EPSTI1: variants seen among roughly 807,000 people sequenced by gnomAD.
EPSTI1 encodes the protein epithelial stromal interaction 1.
A neutral mutation model predicts 49.9 loss-of-function variants in EPSTI1; 66 were observed. The ratio of observed to expected loss-of-function variants is 1.32; its 90% CI spans 1.08 to 1.62. EPSTI1 has a LOEUF of 1.62. EPSTI1 is among the 40% of genes most tolerant of loss of function. The pLI, the probability that EPSTI1 is intolerant of heterozygous loss-of-function variation, is 0.00. For synonymous variants in EPSTI1, 137 were observed against 130.7 expected, an observed-to-expected ratio of 1.05 and a Z score of -0.33; for missense variants, 394 against 365.5, an observed-to-expected ratio of 1.08 and a Z score of -0.64.
At chr13:42,900,551 C>A (rs559542680) in intron 8 of EPSTI1, among the ~76,000 whole-genome samples, 168 bp from the exon 9 acceptor site, 1 of 151,688 alleles carries the variant, frequency 6.6e-6, no homozygotes, top group Non-Finnish European at 1.5e-5. Context: ...ACGTAGGTAG[C>A]AAATAACTGT....
intron 6 of EPSTI1, among the ~76,000 whole-genome samples, chr13:42,949,233 C>T (rs1468020647): frequency 6.6e-6 from 1 of 152,172 alleles, no homozygotes; most frequent in Non-Finnish European, 1.5e-5. Context: ...CACTCTTACC[C>T]CTTCCAGGTC....
intron 7 of EPSTI1, among the ~76,000 whole-genome samples, chr13:42,924,514 G>C (rs911781089): frequency 6.6e-6 from 1 of 152,152 alleles, no homozygotes; most frequent in Non-Finnish European, 1.5e-5. Context: ...GGGAGCCCTC[G>C]AACGGAAAGG....
chr13:42,943,141 G>A (rs773627514), intron 6 of EPSTI1, among the ~76,000 whole-genome samples: 13 of 152,002 alleles, frequency 8.6e-5, no homozygotes, highest in Admixed American at 4.6e-4. Flanking sequence ...TTTAAAATAC[G>A]GCTCTTAGAG....
At chr13:42,991,095 T>C (rs2040186051) in intron 1 of EPSTI1, 1 of 152,278 alleles carries the variant, frequency 6.6e-6, no homozygotes, top group African/African-American at 2.4e-5. Flanking sequence ...CTATGGTCAC[T>C]CACCTCCTCA....
intron 1 of EPSTI1, among the ~76,000 whole-genome samples, chr13:42,985,363 G>C (rs2040058715): frequency 6.6e-6 from 1 of 152,210 alleles, no homozygotes; most frequent in African/African-American, 2.4e-5. Context: ...TTGCTAGGCA[G>C]ATGTCCTTGC....
chr13:42,964,028 T>C, intron 4 of EPSTI1, 38 bp downstream of exon 4: 1 of 1,571,754 alleles, frequency 6.4e-7, no homozygotes. Flanking sequence ...GTACTCATAT[T>C]CCTTACCAAA....
At chr13:42,935,592 T>A (rs928748664) in intron 6 of EPSTI1, among the ~76,000 whole-genome samples, 1 of 152,154 alleles carries the variant, frequency 6.6e-6, no homozygotes, top group Admixed American at 6.5e-5. Flanking sequence ...ATTCTTTTTT[T>A]TATTTTTTAT....
chr13:42,887,025 C>G lies in EPSTI1; in HGVS notation c.*1469G>C, dbSNP rs113676117. ...GTAGCCAGGCTGGCAGGTGTAGGGC[C>G]GAAATGGCTGCACACCACCACACTA... On this transcript the variant is annotated 3_prime_UTR_variant, in exon 11 of 11. Transcript: ENST00000313624. 6.6e-6 allele frequency: 1 copy of G among 152,104 alleles called. No homozygotes were observed. The highest frequency in any genetic ancestry group is 1.5e-5 in the Non-Finnish European group (1 of 68,030). 9.4% of individuals were successfully genotyped at this position (152,104 alleles called of 1,614,324 possible).
chr13:42,940,804 T>C (rs900571009), intron 6 of EPSTI1, among the ~76,000 whole-genome samples: 2 of 152,228 alleles, frequency 1.3e-5, no homozygotes, highest in African/African-American at 2.4e-5. Context: ...CCATTGATAT[T>C]TTTGCCACTG....
chr13:42,954,714 T>C (rs2039206892), intron 5 of EPSTI1, among the ~76,000 whole-genome samples: 1 of 152,216 alleles, frequency 6.6e-6, no homozygotes, highest in African/African-American at 2.4e-5. Flanking sequence ...CACACTGTCA[T>C]TTTTTAACTT....
At chr13:42,891,950 G>T (rs1411741540) in intron 10 of EPSTI1, among the ~76,000 whole-genome samples, 1 of 152,232 alleles carries the variant, frequency 6.6e-6, no homozygotes, top group Non-Finnish European at 1.5e-5. Flanking sequence ...CTAGAAAGGG[G>T]ACTGCAGGAG....
chr13:42,974,764 C>T (rs1431525792), intron 1 of EPSTI1, among the ~76,000 whole-genome samples: 2 of 152,056 alleles, frequency 1.3e-5, no homozygotes, highest in Non-Finnish European at 2.9e-5. Flanking sequence ...AATAAGTACT[C>T]TGAAAAAATG....
At chr13:42,947,962 T>A (rs1436684660) in intron 6 of EPSTI1, among the ~76,000 whole-genome samples, 2 of 151,994 alleles carry the variant, frequency 1.3e-5, no homozygotes, top group Admixed American at 1.3e-4. Flanking sequence ...TGGGACAGAG[T>A]GGTCACCCCA....
intron 1 of EPSTI1, among the ~76,000 whole-genome samples, chr13:42,975,032 C>G (rs560986068): frequency 1.3e-5 from 2 of 151,934 alleles, no homozygotes; most frequent in Admixed American, 6.6e-5. Context: ...TCAAGAAAAT[C>G]TTATCCTTGG....
In EPSTI1 at chr13:42,894,212, A is replaced by C. The variant is rs545396167; in HGVS notation, c.915+797T>G. The stretch of plus-strand genomic sequence containing the variant: ...TGTCTGTCAAGTATTTATTAAAGGA[A>C]GATCTTCTCTAGATTTTCTAGGTCA... On this transcript the variant is annotated intron_variant, in intron 10 of 10. Transcript: ENST00000313624. 3.9e-5 allele frequency among the ~76,000 whole-genome samples: 6 copies of C among 152,386 alleles called. No homozygotes were observed. The South Asian group carries it at 6.2e-4, about 16-fold the overall frequency.
chr13:42,949,625 C>T (rs1479541836), intron 6 of EPSTI1, among the ~76,000 whole-genome samples: 2 of 150,732 alleles, frequency 1.3e-5, no homozygotes, highest in African/African-American at 4.9e-5. Context: ...AAAAGAGAGA[C>T]TTTTCTTTTT....
Position 42,971,850 on chromosome 13 carries a change from G to A in EPSTI1, c.189-1180C>T, listed in dbSNP as rs533174333. Among the ~76,000 whole-genome samples, 4 of 152,314 alleles carry A rather than the reference G, an allele frequency of 2.6e-5. No homozygotes were observed. The East Asian group carries it at 7.7e-4, about 29-fold the overall frequency. ...TGTGCAACAGCCTTTGCATGCAAATGGGGCTGCTGGATGCCCAATTACTTA... is the reference window on the plus strand; with the variant it reads ...TGTGCAACAGCCTTTGCATGCAAATAGGGCTGCTGGATGCCCAATTACTTA... On this transcript the variant is annotated intron_variant, in intron 1 of 10. Coordinates refer to ENST00000313624, the MANE Select transcript of EPSTI1 (RefSeq NM_033255.5).
At chr13:42,950,758 C>T (rs942503664) in intron 6 of EPSTI1, among the ~76,000 whole-genome samples, 5 of 152,214 alleles carry the variant, frequency 3.3e-5, no homozygotes, top group East Asian at 1.9e-4. Context: ...TTCTTATGTA[C>T]GTTTCTATTT....
At chr13:42,952,604 A>C (rs1328685835) in intron 6 of EPSTI1, among the ~76,000 whole-genome samples, 2 of 152,000 alleles carry the variant, frequency 1.3e-5, no homozygotes, top group African/African-American at 4.8e-5. Flanking sequence ...CCAGCTCCTC[A>C]CTCAAATGCC....
Sources: allele counts gnomAD v4.1 joint callset (sites outside exome capture counted in the v4.1 genomes callset), GRCh38; gene constraint gnomAD v4.1.1; transcripts MANE v1.5; gene names NCBI Gene and HGNC (gene_info 2026-07-23, HGNC 2026-07-21).